STS: variants seen among roughly 807,000 people sequenced by gnomAD.
The protein encoded by STS is steryl-sulfatase.
STS carries 7 observed loss-of-function variants against 26.8 expected under a neutral mutation model. That is an observed-to-expected ratio of 0.26 (90% CI 0.15 to 0.49). STS has a LOEUF of 0.49. Ranked by LOEUF, STS falls within the 20% of genes least tolerant of loss-of-function variation. The pLI, the probability that STS is intolerant of heterozygous loss-of-function variation, is 0.98. For synonymous variants in STS, 199 were observed against 189.4 expected, an observed-to-expected ratio of 1.05 and a Z score of -0.42; for missense variants, 434 against 465.6, an observed-to-expected ratio of 0.93 and a Z score of 0.63.
chrX:7,328,555 A>ATTTT (rs144329312), intron 9 of STS, among the ~76,000 whole-genome samples: 3 of 87,213 alleles, frequency 3.4e-5, no homozygotes, highest in Non-Finnish European at 4.4e-5. Context: ...TGCTGACCTC[A>ATTTT]TTTTTTTTTT....
At chrX:7,292,189 CAGAG>C (rs1330361287) in intron 7 of STS, among the ~76,000 whole-genome samples, 2 of 112,852 alleles carry the variant, frequency 1.8e-5, no homozygotes, top group Non-Finnish European at 3.7e-5. Context: ...TATTTGGAAA[CAGAG>C]AGAATTGCCA....
intron 2 of STS, chrX:7,219,752 C>G (rs1169207443): frequency 9.0e-7 from 1 of 1,110,848 alleles, no homozygotes; most frequent in Non-Finnish European, 1.2e-6. Flanking sequence ...TTGGGATGTT[C>G]ACAGCAGCTA....
chrX:7,328,629 C>T (rs1373519205), intron 9 of STS, among the ~76,000 whole-genome samples: 1 of 105,673 alleles, frequency 9.5e-6, no homozygotes, highest in Non-Finnish European at 1.9e-5. Flanking sequence ...TCTCGGCTCA[C>T]TGCAACCTCT....
rs760750478 is a variant in STS at position 7,215,435 on chromosome X, G to A, written c.-5+24427G>A. ...TAAGCCTCACTTCTTGTGCAATGGGGAGAAAAACATTACCATCTAATATGG... is the reference window on the plus strand; with the variant it reads ...TAAGCCTCACTTCTTGTGCAATGGGAAGAAAAACATTACCATCTAATATGG... On this transcript the variant is annotated intron_variant, in intron 2 of 10. Transcript: ENST00000674429. Among the ~76,000 whole-genome samples, 3 of 110,249 alleles carry A rather than the reference G, an allele frequency of 2.7e-5. No homozygotes were observed. In the East Asian group the frequency reaches 8.6e-4, roughly 32 times the overall value.
chrX:7,310,254 G>A (rs1350764023), intron 8 of STS, among the ~76,000 whole-genome samples: 1 of 112,253 alleles, frequency 8.9e-6, no homozygotes, highest in Non-Finnish European at 1.9e-5. Context: ...CATCAGGGCT[G>A]TTGACATTTG....
At chrX:7,250,265 G>A (rs1202771976) in intron 2 of STS, among the ~76,000 whole-genome samples, 2 of 110,461 alleles carry the variant, frequency 1.8e-5, no homozygotes, top group Admixed American at 9.8e-5. Context: ...CTGACAATAA[G>A]AGAATTGGGA....
At chrX:7,227,587 A>G (rs960582623) in intron 2 of STS, among the ~76,000 whole-genome samples, 1 of 111,131 alleles carries the variant, frequency 9.0e-6, no homozygotes, top group Non-Finnish European at 1.9e-5. Context: ...TAAGGAAAGC[A>G]CATATTATTA....
intron 8 of STS, among the ~76,000 whole-genome samples, chrX:7,314,300 T>A (rs1378829726): frequency 9.0e-6 from 1 of 111,172 alleles, no homozygotes. Flanking sequence ...GAGGCTGCAG[T>A]GAGACTTGAT....
intron 1 of STS, among the ~76,000 whole-genome samples, chrX:7,153,463 T>C (rs1309360733): frequency 1.0e-5 from 1 of 97,425 alleles, no homozygotes; most frequent in Non-Finnish European, 2.1e-5. Flanking sequence ...CTCCCTTCCT[T>C]TCCTCCTCCT....
intron 8 of STS, among the ~76,000 whole-genome samples, chrX:7,309,772 T>G (rs1926396035): frequency 9.0e-6 from 1 of 111,631 alleles, no homozygotes; most frequent in Non-Finnish European, 1.9e-5. Context: ...ATAGGACTGT[T>G]TCATTTCTTT....
rs139185149 is a variant in STS at position 7,152,584 on chromosome X, G to T, written c.-134+4501G>T. 8.6e-3 allele frequency among the ~76,000 whole-genome samples: 972 copies of T among 112,816 alleles called. 2 individuals carry two copies. Among genetic ancestry groups the T allele is most frequent in the African/African-American group, 0.03 (926 of 31,062 alleles). Reference sequence around the variant, plus strand: ...TCCGCCCGCCTTGGCCTTCCAAAGTGCTGGAAGTACAGGCAGGAGCCATGG... The same window carrying T: ...TCCGCCCGCCTTGGCCTTCCAAAGTTCTGGAAGTACAGGCAGGAGCCATGG... On this transcript the variant is annotated intron_variant, in intron 1 of 10. Transcript: ENST00000674429.
chrX:7,321,704 T>C (rs1304518880), intron 8 of STS, among the ~76,000 whole-genome samples: 2 of 112,615 alleles, frequency 1.8e-5, no homozygotes, highest in African/African-American at 6.5e-5. Context: ...GGCTTCGTTC[T>C]CACTTAACTG....
intron 7 of STS, among the ~76,000 whole-genome samples, chrX:7,304,060 C>T (rs1360878960): frequency 9.4e-6 from 1 of 106,696 alleles, no homozygotes; most frequent in Admixed American, 1.0e-4. Flanking sequence ...GATTTTTTTT[C>T]TCTGGTGTAC....
At position 7,219,711 on chromosome X, in the gene STS, G is replaced by A. The variant is rs774423545; in HGVS notation, c.-5+28703G>A. The A allele has an allele frequency of 5.0e-6, 6 of 1,209,471 alleles. No individual in the cohort carries two copies. In the East Asian group the frequency reaches 1.8e-4, roughly 36 times the overall value. ...GGTAAGCGTCTATTCCCCTGGCCAGGCTGGGAGTTTTTAACCCTGAAACAT... is the reference window on the plus strand; with the variant it reads ...GGTAAGCGTCTATTCCCCTGGCCAGACTGGGAGTTTTTAACCCTGAAACAT... On this transcript the variant is annotated intron_variant, in intron 2 of 10. Transcript: ENST00000674429.
chrX:7,180,220 A>G (rs866770800), intron 1 of STS, among the ~76,000 whole-genome samples: 5 of 111,209 alleles, frequency 4.5e-5, no homozygotes, highest in Middle Eastern at 4.7e-3. Context: ...TAATTATACA[A>G]CTCACCATAA....
Position 7,253,331 on chromosome X carries a change from T to A in STS, c.132T>A (p.Thr44=). 1.7e-6 allele frequency: 2 copies of A among 1,211,349 alleles called. No individual in the cohort carries two copies. Among genetic ancestry groups the A allele is most frequent in the Non-Finnish European group, 2.2e-6 (2 of 895,368 alleles). ...IGDPGCYGNK[T]IRTPNIDRLA... ...ATCCTGGGTGCTATGGGAACAAAAC[T>A]ATCAGGTTGGTAATGCAGCTCCTCA... The change falls in exon 3 of 11, where the codon ACT becomes ACA. Residue 44 remains threonine, a synonymous_variant. Transcript: ENST00000674429.
At chrX:7,180,966 A>G (rs1933668877) in intron 1 of STS, among the ~76,000 whole-genome samples, 1 of 112,261 alleles carries the variant, frequency 8.9e-6, no homozygotes, top group African/African-American at 3.2e-5. Context: ...GCATGCTTCT[A>G]AATGCAGTAA....
Position 7,325,495 on chromosome X carries a change from A to G in STS, c.1238A>G (p.Asp413Gly), listed in dbSNP as rs141215364. 1.2e-3 allele frequency: 1,450 copies of G among 1,209,016 alleles called. 2 individuals are homozygous for G. The highest frequency in any genetic ancestry group is 1.5e-3 in the Non-Finnish European group (1,306 of 894,877). Residue 413 changes from aspartate to glycine, a missense_variant, in exon 9 of 11, where the codon GAC becomes GGC. By Grantham distance (94) the Asp-to-Gly change is moderately conservative. Around this residue, in one of 2 missense-constraint regions of STS, gnomAD observed 205 missense variants for 177.3 expected, o/e 1.16. Coordinates refer to ENST00000674429, the MANE Select transcript of STS (RefSeq NM_001320752.2). ...CTGGCTGGAGCTCCCTTGCCTGAGGACAGGTACTCTGATGCCAGGGTGGTT... is the reference window on the plus strand; with the variant it reads ...CTGGCTGGAGCTCCCTTGCCTGAGGGCAGGTACTCTGATGCCAGGGTGGTT... ...AKLAGAPLPE[D>G]RIIDGRDLMP...
chrX:7,332,285 C>T (rs1231657721), intron 9 of STS, among the ~76,000 whole-genome samples: 1 of 107,900 alleles, frequency 9.3e-6, no homozygotes, highest in Non-Finnish European at 1.9e-5. Flanking sequence ...GAGCTATGGT[C>T]GCGCCACCAC....
Sources: allele counts gnomAD v4.1 joint callset (sites outside exome capture counted in the v4.1 genomes callset), GRCh38; gene constraint gnomAD v4.1.1; regional missense constraint gnomAD v4.1.1; transcripts MANE v1.5; gene names NCBI Gene and HGNC (gene_info 2026-07-23, HGNC 2026-07-21).